PCDHAC1: variants seen among roughly 807,000 people sequenced by gnomAD.
PCDHAC1 encodes the protein protocadherin alpha-C1.
Under a neutral mutation model 60.0 loss-of-function variants are expected in PCDHAC1, and 42 were observed. The observed-to-expected ratio is 0.70, with a 90% CI of 0.55 to 0.90. The LOEUF (loss-of-function observed/expected upper bound fraction) is 0.90, where lower values mean the gene tolerates loss of function less well. Ranked by LOEUF, PCDHAC1 falls within the 40% of genes least tolerant of loss-of-function variation. The probability of loss-of-function intolerance (pLI) is 0.00; values close to 1 mark genes in which losing one functional copy is unlikely to be tolerated. For missense variants in PCDHAC1, 1,160 were observed against 1,222.3 expected (o/e 0.95, Z 0.76); for synonymous variants, 468 against 499.3 (o/e 0.94, Z 0.84).
chr5:140,946,405 T>C (rs1554217546), intron 1 of PCDHAC1, among the ~76,000 whole-genome samples: 1 of 151,592 alleles, frequency 6.6e-6, no homozygotes, highest in South Asian at 2.1e-4. Context: ...AGTACAATCA[T>C]AGAAAACAAT....
chr5:141,000,657 A>T (rs1403117310), intron 3 of PCDHAC1, among the ~76,000 whole-genome samples: 1 of 151,102 alleles, frequency 6.6e-6, no homozygotes, highest in Non-Finnish European at 1.5e-5. Flanking sequence ...CGAACTCCTG[A>T]CCTCAGGTGA....
chr5:140,940,305 A>G (rs2092590184), intron 1 of PCDHAC1, among the ~76,000 whole-genome samples: 1 of 152,126 alleles, frequency 6.6e-6, no homozygotes, highest in Non-Finnish European at 1.5e-5. Flanking sequence ...GTAATTTATT[A>G]TCTTTCTTCC....
At chr5:140,941,150 G>T (rs894422349) in intron 1 of PCDHAC1, among the ~76,000 whole-genome samples, 1 of 151,436 alleles carries the variant, frequency 6.6e-6, no homozygotes, top group Non-Finnish European at 1.5e-5. Context: ...TAGTTTGGAG[G>T]CCCCATAAGA....
chr5:141,009,103 C>G (rs1440460108), intron 3 of PCDHAC1, among the ~76,000 whole-genome samples: 1 of 152,170 alleles, frequency 6.6e-6, no homozygotes, highest in African/African-American at 2.4e-5. Flanking sequence ...ACATATGTTA[C>G]TATGAAACTA....
Position 140,927,619 on chromosome 5 carries a change from C to G in PCDHAC1, c.727C>G (p.Pro243Ala). The part of the protein sequence containing the change: ...FERSVYRTKV[P>A]ETAPNGTVLF... ...GCGCTCCGTATACCGCACCAAGGTT[C>G]CAGAGACTGCACCCAATGGGACTGT... Residue 243 changes from proline to alanine, a missense_variant, in exon 1 of 4, where the codon CCA becomes GCA. Physicochemically the swap from Pro to Ala is conservative, Grantham distance 27. Transcript: ENST00000253807. 1 of 1,614,170 alleles carries G rather than the reference C, an allele frequency of 6.2e-7. No homozygotes were observed. The highest frequency in any genetic ancestry group is 8.5e-7 in the Non-Finnish European group (1 of 1,180,030).
chr5:140,992,757 G>A (rs1345373474), intron 3 of PCDHAC1, among the ~76,000 whole-genome samples: 2 of 152,110 alleles, frequency 1.3e-5, no homozygotes, highest in Non-Finnish European at 2.9e-5. Context: ...CCTGTGTTGG[G>A]GATAGGAGGG....
At chr5:140,988,545 T>C (rs1164667441) in intron 3 of PCDHAC1, among the ~76,000 whole-genome samples, 1 of 152,150 alleles carries the variant, frequency 6.6e-6, no homozygotes, top group African/African-American at 2.4e-5. Context: ...ATTCATGACT[T>C]TCTTCATCTT....
chr5:140,993,617 C>A (rs1299213362), intron 3 of PCDHAC1, among the ~76,000 whole-genome samples: 3 of 152,034 alleles, frequency 2.0e-5, no homozygotes, highest in Non-Finnish European at 4.4e-5. Context: ...TGTTGGGACC[C>A]TCTATATATA....
At chr5:140,968,173 C>T (rs782043932) in intron 1 of PCDHAC1, 10 of 1,614,104 alleles carry the variant, frequency 6.2e-6, no homozygotes, top group Admixed American at 1.7e-5. Flanking sequence ...CACCAAGCTT[C>T]CTGGAGGACT....
In PCDHAC1 at chr5:140,928,441, C is replaced by A; in HGVS notation, c.1549C>A (p.Gln517Lys). The A allele has an allele frequency of 4.3e-6, 7 of 1,614,140 alleles. No homozygotes were observed. The highest frequency in any genetic ancestry group is 5.9e-6 in the Non-Finnish European group (7 of 1,180,022). The change falls in exon 1 of 4, where the codon CAG becomes AAG. Residue 517 changes from glutamine (Q) to lysine (K), a missense_variant. Gln to Lys is a moderately conservative substitution (Grantham distance 53). This residue lies in a region of PCDHAC1 where 1,113 missense variants were observed against 1,163.7 expected (regional missense o/e 0.96). Coordinates refer to ENST00000253807, the MANE Select transcript of PCDHAC1 (RefSeq NM_018898.5). ...TGCCAAAACTTCCTTTGACTTTGAG[C>A]AGCTCAGGGGGTTTCATTTCCAAGT... ...ITAKTSFDFE[Q>K]LRGFHFQVEG...
rs57893927 is a variant in PCDHAC1, at chr5:140,946,631, T to TATATATATATATATATAC, written c.2433+17307_2433+17308insTATATATATATATATACA. Among the ~76,000 whole-genome samples, 374 of 131,796 alleles carry TATATATATATATATATAC rather than the reference T, an allele frequency of 2.8e-3. 24 individuals carry two copies. The highest frequency in any genetic ancestry group is 0.011 in the African/African-American group (320 of 28,670). 86.5% of individuals were successfully genotyped at this position (131,796 alleles called of 152,430 possible). ...TGTGAAATATATATATATATATATA[T>TATATATATATATATATAC]ACAATGGAATACTCATCAGCCATTA... On this transcript the variant is annotated intron_variant, in intron 1 of 3. Coordinates refer to ENST00000253807, the MANE Select transcript of PCDHAC1 (RefSeq NM_018898.5).
At chr5:140,944,694 T>C (rs2093685448) in intron 1 of PCDHAC1, among the ~76,000 whole-genome samples, 1 of 152,190 alleles carries the variant, frequency 6.6e-6, no homozygotes, top group African/African-American at 2.4e-5. Context: ...TTAATAACAG[T>C]AATTATCAGG....
Position 140,926,948 on chromosome 5 carries a change from C to A in PCDHAC1, c.56C>A (p.Ala19Glu). Residue 19 changes from alanine (A) to glutamate (E), a missense_variant, in exon 1 of 4, where the codon GCG (alanine) becomes GAG (glutamate). This residue lies in a region of PCDHAC1 where 43 missense variants were observed against 40.4 expected (regional missense o/e 1.06). Coordinates refer to ENST00000253807, the MANE Select transcript of PCDHAC1 (RefSeq NM_018898.5). ...TTGTGGGTTTCCTGCGGCGCTGCAG[C>A]GGGACAGCTCGAGTACTCAGTGCCG... Reference protein sequence around the residue: ...LCLWVSCGAAAGQLEYSVPEE... With the variant: ...LCLWVSCGAAEGQLEYSVPEE... The A allele has an allele frequency of 1.3e-6, 2 of 1,589,774 alleles. No homozygotes were observed. The highest frequency in any genetic ancestry group is 1.1e-5 in the South Asian group (1 of 88,286).
chr5:140,956,979 A>C (rs2153711830), intron 1 of PCDHAC1, among the ~76,000 whole-genome samples: 1 of 152,346 alleles, frequency 6.6e-6, no homozygotes, highest in South Asian at 2.1e-4. Context: ...AATTTAAGTA[A>C]AATAAATTCA....
intron 1 of PCDHAC1, among the ~76,000 whole-genome samples, chr5:140,944,623 T>C (rs535315515): frequency 6.6e-6 from 1 of 152,320 alleles, no homozygotes; most frequent in East Asian, 1.9e-4. Flanking sequence ...AGAAGTATAG[T>C]GTTGTAAGCC....
chr5:140,952,113 G>T (rs2094688731), intron 1 of PCDHAC1, among the ~76,000 whole-genome samples: 1 of 151,990 alleles, frequency 6.6e-6, no homozygotes. Flanking sequence ...TCGTGTGAGG[G>T]ATGGGCTCCC....
intron 1 of PCDHAC1, among the ~76,000 whole-genome samples, chr5:140,942,607 A>G (rs529680459): frequency 1.7e-5 from 2 of 116,438 alleles, no homozygotes; most frequent in East Asian, 2.5e-4. Context: ...TAGTGTTTAT[A>G]TTTGCCAATT....
At chr5:140,998,720 A>G (rs1554256437) in intron 3 of PCDHAC1, among the ~76,000 whole-genome samples, 1 of 152,092 alleles carries the variant, frequency 6.6e-6, no homozygotes, top group African/African-American at 2.4e-5. Context: ...TTGCACCACC[A>G]CGCTAGGCTA....
At chr5:140,936,425 T>C (rs1471918068) in intron 1 of PCDHAC1, among the ~76,000 whole-genome samples, 2 of 152,244 alleles carry the variant, frequency 1.3e-5, no homozygotes, top group Non-Finnish European at 2.9e-5. Flanking sequence ...TAATTTTAAT[T>C]AATTTAAGCT....
Sources: gnomAD v4.1 joint callset for allele counts (sites outside exome capture counted in the v4.1 genomes callset) on GRCh38, gnomAD v4.1.1 for gene constraint, gnomAD v4.1.1 regional missense constraint, MANE v1.5 for transcripts, NCBI Gene and HGNC (gene_info 2026-07-23, HGNC 2026-07-21) for gene names.